The following SCRN1 variants were observed in gnomAD, a reference collection of about 807,000 sequenced individuals.
The protein encoded by SCRN1 is secernin-1.
In SCRN1, 19 loss-of-function variants were observed where a neutral mutation model predicts 43.3. The observed-to-expected ratio is 0.44, with a 90% CI of 0.31 to 0.64. The LOEUF (loss-of-function observed/expected upper bound fraction) is 0.64. Ranked by LOEUF, SCRN1 falls within the 30% of genes least tolerant of loss-of-function variation. The pLI is 0.09. For missense variants in SCRN1, 447 were observed against 524.1 expected (o/e 0.85, Z 1.44); for synonymous variants, 183 against 188.9 (o/e 0.97, Z 0.26).
chr7:29,956,430 G>A (rs938482154), intron 2 of SCRN1, among the ~76,000 whole-genome samples: 10 of 152,344 alleles, frequency 6.6e-5, no homozygotes, highest in Admixed American at 5.2e-4. Flanking sequence ...GTGCTCTGGA[G>A]CTCTCAAGGG....
chr7:29,924,224 C>CTCCCCACACTCCGTT, intron 7 of SCRN1, 109 bp from the exon 8 acceptor site: 2 of 1,029,696 alleles, frequency 1.9e-6, no homozygotes, highest in Admixed American at 5.4e-5. Context: ...AGGTCCTGTC[C>CTCCCCACACTCCGTT]TCCCCACACT....
At chr7:29,940,348 G>A (rs762703869) in intron 5 of SCRN1, among the ~76,000 whole-genome samples, 16 of 152,146 alleles carry the variant, frequency 1.1e-4, no homozygotes, top group Non-Finnish European at 1.6e-4. Flanking sequence ...GCAGGCTAGC[G>A]GGGCAGGGAA....
intron 1 of SCRN1, among the ~76,000 whole-genome samples, chr7:29,971,547 C>A (rs1358366381): frequency 6.7e-6 from 1 of 150,282 alleles, no homozygotes; most frequent in Non-Finnish European, 1.5e-5. Context: ...GAGGGAGGAT[C>A]ATTTGAGCCC....
chr7:29,938,828 C>A (rs924339318), intron 5 of SCRN1, among the ~76,000 whole-genome samples: 2 of 152,098 alleles, frequency 1.3e-5, no homozygotes, highest in African/African-American at 4.8e-5. Flanking sequence ...GGCTGTGAGA[C>A]CCCTGATTTC....
chr7:29,962,794 A>G (rs1788370646), intron 2 of SCRN1, among the ~76,000 whole-genome samples: 1 of 152,208 alleles, frequency 6.6e-6, no homozygotes, highest in Non-Finnish European at 1.5e-5. Context: ...CATAGTTTAA[A>G]AAAGTCTGTA....
chr7:29,988,121 C>A (rs1179489736), intron 1 of SCRN1, among the ~76,000 whole-genome samples: 1 of 152,162 alleles, frequency 6.6e-6, no homozygotes. Flanking sequence ...TTCCTCGTGT[C>A]GCTAAATCAG....
At chr7:29,952,159 C>T (rs556841160) in intron 3 of SCRN1, among the ~76,000 whole-genome samples, 2 of 152,222 alleles carry the variant, frequency 1.3e-5, no homozygotes, top group Non-Finnish European at 1.5e-5. Flanking sequence ...CGGTTCTCAC[C>T]GTAACCGTGC....
At chr7:29,963,989 G>GT (rs2128096413) in intron 2 of SCRN1, among the ~76,000 whole-genome samples, 1 of 152,232 alleles carries the variant, frequency 6.6e-6, no homozygotes, top group Non-Finnish European at 1.5e-5. Context: ...CTGATATTCA[G>GT]TTTTTTTGGA....
Position 29,979,983 on chromosome 7 carries a change from T to C in SCRN1, c.-2+9659A>G, listed in dbSNP as rs544958886. 3.3e-5 allele frequency among the ~76,000 whole-genome samples: 5 copies of C among 152,338 alleles called. No individual in the cohort carries two copies. The South Asian group carries it at 1.0e-3, about 32-fold the overall frequency. Reference sequence around the variant, plus strand: ...TAAGATTATCCCTACAGGCTAGACCTATGCAGTCAGGATAATTACTCTAAG... The same window carrying C: ...TAAGATTATCCCTACAGGCTAGACCCATGCAGTCAGGATAATTACTCTAAG... On this transcript the variant is annotated intron_variant, in intron 1 of 7. Coordinates refer to ENST00000242059, the MANE Select transcript of SCRN1 (RefSeq NM_014766.5).
intron 3 of SCRN1, among the ~76,000 whole-genome samples, chr7:29,946,825 G>A (rs564789657): frequency 5.3e-5 from 8 of 152,344 alleles, no homozygotes; most frequent in South Asian, 2.1e-4. Flanking sequence ...TACATGGGCC[G>A]TGAATAACAC....
chr7:29,928,005 C>T lies in SCRN1; in HGVS notation c.906-1373G>A, dbSNP rs1242685931. Among the ~76,000 whole-genome samples, 6 of 152,120 alleles carry T rather than the reference C, an allele frequency of 3.9e-5. No homozygotes were observed. In the South Asian group the frequency reaches 6.2e-4, roughly 16 times the overall value. ...GGATGTGGTGGAGTGCTCCTGTAAT[C>T]CCAGCTACTCAGGAGGTTGAGGTGG... On this transcript the variant is annotated intron_variant, in intron 6 of 7. Coordinates refer to ENST00000242059, the MANE Select transcript of SCRN1 (RefSeq NM_014766.5).
At chr7:29,978,743 T>G (rs1199304877) in intron 1 of SCRN1, among the ~76,000 whole-genome samples, 2 of 152,364 alleles carry the variant, frequency 1.3e-5, no homozygotes, top group African/African-American at 4.8e-5. Flanking sequence ...AGTATGGCCC[T>G]GCAATAAGGC....
intron 5 of SCRN1, among the ~76,000 whole-genome samples, chr7:29,937,178 C>T (rs532206790): frequency 7.2e-5 from 11 of 152,326 alleles, no homozygotes; most frequent in African/African-American, 2.6e-4. Context: ...ACTGTAACTA[C>T]CAAACTACAG....
chr7:29,951,089 T>A (rs929643962), intron 3 of SCRN1, among the ~76,000 whole-genome samples: 1 of 152,142 alleles, frequency 6.6e-6, no homozygotes, highest in Non-Finnish European at 1.5e-5. Context: ...ACCTAGGGGC[T>A]CCCTGAGCCA....
At chr7:29,961,058 CTTT>C (rs200892857) in intron 2 of SCRN1, among the ~76,000 whole-genome samples, 4,946 of 131,604 alleles carry the variant, frequency 0.038, 146 homozygotes, top group Non-Finnish European at 0.051. Flanking sequence ...GATCTTATTT[CTTT>C]TTTTTTTTTT....
At chr7:29,967,174 A>AACACACACACACACAC (rs142917231) in intron 2 of SCRN1, among the ~76,000 whole-genome samples, 3 of 148,276 alleles carry the variant, frequency 2.0e-5, no homozygotes, top group African/African-American at 7.4e-5. Flanking sequence ...CTACCATCTA[A>AACACACACACACACAC]ACACACACAC....
In SCRN1 at chr7:29,959,270, T is replaced by A. The variant is rs116163443; in HGVS notation, c.160-3910A>T. 2.6e-3 allele frequency among the ~76,000 whole-genome samples: 390 copies of A among 152,332 alleles called. 2 individuals carry two copies. The highest frequency in any genetic ancestry group is 8.9e-3 in the African/African-American group (372 of 41,572). On this transcript the variant is annotated intron_variant, in intron 2 of 7. Transcript: ENST00000242059. ...AACCATTGTGAGATGAGTTGATGAG[T>A]CAGCCAAACTTCTTACGGTGGGAGA...
chr7:29,928,220 G>C (rs187400820), intron 6 of SCRN1, among the ~76,000 whole-genome samples: 1 of 152,130 alleles, frequency 6.6e-6, no homozygotes, highest in South Asian at 2.1e-4. Flanking sequence ...TTTTGTCCTC[G>C]GACTTGCAGC....
In SCRN1 at chr7:29,922,427, C is replaced by T. The variant is rs1200987882; in HGVS notation, c.*1530G>A. On this transcript the variant is annotated 3_prime_UTR_variant, in exon 8 of 8. Transcript: ENST00000242059. ...ACAGCTTCTGGGAAGGAGTTATTAACCCTGTCACTTCCCAGATTGCTGATA... is the reference window on the plus strand; with the variant it reads ...ACAGCTTCTGGGAAGGAGTTATTAATCCTGTCACTTCCCAGATTGCTGATA... 6.6e-6 allele frequency: 1 copy of T among 152,240 alleles called. No homozygotes were observed. The highest frequency in any genetic ancestry group is 2.4e-5 in the African/African-American group (1 of 41,452). 9.4% of individuals were successfully genotyped at this position (152,240 alleles called of 1,614,324 possible). A position where few individuals can be genotyped will look rare whatever the true frequency, so the allele number is the denominator to read the frequency against.
Sources: gnomAD v4.1 joint callset for allele counts (sites outside exome capture counted in the v4.1 genomes callset) on GRCh38, gnomAD v4.1.1 for gene constraint, MANE v1.5 for transcripts, NCBI Gene and HGNC (gene_info 2026-07-23, HGNC 2026-07-21) for gene names.